Variants in PPARD observed in about 807,000 individuals in gnomAD.
The protein encoded by PPARD is peroxisome proliferator-activated receptor delta.
Under a neutral mutation model 39.5 loss-of-function variants are expected in PPARD, and 6 were observed. The observed-to-expected ratio is 0.15, with a 90% CI of 0.08 to 0.30. PPARD has a LOEUF of 0.30. Ranked by LOEUF, PPARD falls within the 10% of genes least tolerant of loss-of-function variation. PPARD has a pLI of 1.00. For synonymous variants in PPARD, 210 were observed against 231.3 expected, an observed-to-expected ratio of 0.91 and a Z score of 0.83; for missense variants, 397 against 596.8, an observed-to-expected ratio of 0.67 and a Z score of 3.49.
At chr6:35,356,883 C>G (rs1761646360) in intron 2 of PPARD, among the ~76,000 whole-genome samples, 1 of 152,246 alleles carries the variant, frequency 6.6e-6, no homozygotes, top group South Asian at 2.1e-4. Context: ...GAAGTTTACT[C>G]TCTTCAGTTA....
chr6:35,344,387 A>G (rs1054175732), intron 1 of PPARD, among the ~76,000 whole-genome samples: 9 of 151,900 alleles, frequency 5.9e-5, no homozygotes, highest in Non-Finnish European at 1.0e-4. Context: ...ACTTGAGCAG[A>G]CACATCTGCT....
At position 35,425,612 on chromosome 6, in the gene PPARD, G is replaced by C. The variant is rs75066816; in HGVS notation, c.1079-220G>C. On this transcript the variant is annotated intron_variant, in intron 7 of 7. Transcript: ENST00000360694. This position sits in a 1 kb window ranked among gnomAD's most constrained non-coding sequence, Gnocchi z 4.5. ...AACCACAATACTACGTTGCCTAATCGGGGGGGAGGTGGGGACAAATTGGCA... is the reference window on the plus strand; with the variant it reads ...AACCACAATACTACGTTGCCTAATCCGGGGGGAGGTGGGGACAAATTGGCA... 6.6e-6 allele frequency among the ~76,000 whole-genome samples: 1 copy of C among 152,030 alleles called. No homozygotes were observed.
chr6:35,425,106 C>T lies in PPARD; in HGVS notation c.1078+327C>T. The T allele has an allele frequency of 1.1e-6, 1 of 892,822 alleles. No homozygotes were observed. The highest frequency in any genetic ancestry group is 1.4e-6 in the Non-Finnish European group (1 of 710,446). The allele number at this position is 892,822 out of a possible 1,614,324, so 55.3% of individuals were successfully genotyped here. Reference sequence around the variant, plus strand: ...TGGCCAACATGGTGAAACCCCGTCTCTACTAAAAATACAAAAAATTAGCCA... The same window carrying T: ...TGGCCAACATGGTGAAACCCCGTCTTTACTAAAAATACAAAAAATTAGCCA... On this transcript the variant is annotated intron_variant, in intron 7 of 7. Transcript: ENST00000360694. The surrounding 1 kb of genome is among the most constrained non-coding windows in gnomAD (Gnocchi z 4.5).
intron 2 of PPARD, among the ~76,000 whole-genome samples, chr6:35,380,379 G>A (rs1299939769): frequency 6.6e-6 from 1 of 151,166 alleles, no homozygotes; most frequent in African/African-American, 2.4e-5. Flanking sequence ...CCCTTCTAAG[G>A]AGACTTCAGC....
intron 2 of PPARD, among the ~76,000 whole-genome samples, chr6:35,361,843 C>T (rs905796381): frequency 2.6e-5 from 4 of 152,202 alleles, no homozygotes; most frequent in Admixed American, 6.5e-5. Context: ...GTGTTGGGCA[C>T]GAGGTGATGG....
chr6:35,426,209 ACACATGACACCCACGG>A lies in PPARD; in HGVS notation c.*132_*147del, dbSNP rs1766566402. ...AGCAGAGTCCCACGATCGCCCTCAG[ACACATGACACCCACGG>A]CCTCTGGCTCCCTGTGCCCTCTCTC... On this transcript the variant is annotated 3_prime_UTR_variant, in exon 8 of 8. Transcript: ENST00000360694. 2.4e-6 allele frequency: 3 copies of A among 1,275,140 alleles called. No individual in the cohort carries two copies. In the Admixed American group the frequency reaches 7.5e-5, roughly 32 times the overall value. The allele number at this position is 1,275,140 out of a possible 1,614,324, so 79.0% of individuals were successfully genotyped here. A position where few individuals can be genotyped will look rare whatever the true frequency, so the allele number is the denominator to read the frequency against.
At chr6:35,347,393 A>T (rs1425633295) in intron 2 of PPARD, among the ~76,000 whole-genome samples, 1 of 152,150 alleles carries the variant, frequency 6.6e-6, no homozygotes, top group Non-Finnish European at 1.5e-5. Flanking sequence ...GCGCCCATTA[A>T]AAGATAAACT....
rs577960723 is a variant in PPARD at position 35,389,957 on chromosome 6, C to T, written c.-101-21030C>T. Among the ~76,000 whole-genome samples, 41 of 152,316 alleles carry T rather than the reference C, an allele frequency of 2.7e-4. No individual in the cohort carries two copies. In the South Asian group the frequency reaches 8.5e-3, roughly 32 times the overall value. On this transcript the variant is annotated intron_variant, in intron 2 of 7. Coordinates refer to ENST00000360694, the MANE Select transcript of PPARD (RefSeq NM_006238.5). ...AGTCATTGGAACCAGAGGGCAGAAC[C>T]CCGGGCCTCAAAATTAAGTCTATAC... is the stretch of plus-strand genomic sequence containing the variant.
chr6:35,345,163 G>A lies in PPARD; in HGVS notation c.-185-1904G>A, dbSNP rs9462073. Among the ~76,000 whole-genome samples, 414 of 152,322 alleles carry A rather than the reference G, an allele frequency of 2.7e-3. 2 individuals are homozygous for A. Among genetic ancestry groups the A allele is most frequent in the African/African-American group, 9.5e-3 (393 of 41,564 alleles). ...TTGTGGAGCAGCTTGGGCACCAGCA[G>A]CCCTAGATGGATAGCTTCTTGCAGT... On this transcript the variant is annotated intron_variant, in intron 1 of 7. Transcript: ENST00000360694.
rs551946022 is a variant in PPARD, at chr6:35,365,130, C to CTTT, written c.-102+17998_-102+18000dup. Reference sequence around the variant, plus strand: ...ACCAGACATGTAGAGCTTCCTTATTCTTTTTTTTTTTTTTTTTTTTGAGAT... The same window carrying CTTT: ...ACCAGACATGTAGAGCTTCCTTATTCTTTTTTTTTTTTTTTTTTTTTTTGAGAT... On this transcript the variant is annotated intron_variant, in intron 2 of 7. Transcript: ENST00000360694. Among the ~76,000 whole-genome samples, 83 of 121,066 alleles carry CTTT rather than the reference C, an allele frequency of 6.9e-4. 6 individuals are homozygous for CTTT. Among genetic ancestry groups the CTTT allele is most frequent in the East Asian group, 3.3e-3 (13 of 3,954 alleles). The allele number at this position is 121,066 out of a possible 152,430, so 79.4% of individuals were successfully genotyped here. A position where few individuals can be genotyped will look rare whatever the true frequency, so the allele number is the denominator to read the frequency against.
chr6:35,410,611 C>T (rs1765363414), intron 2 of PPARD, among the ~76,000 whole-genome samples: 1 of 152,188 alleles, frequency 6.6e-6, no homozygotes, highest in African/African-American at 2.4e-5. Context: ...AGGCGTGATG[C>T]ATATCTGGAT....
intron 2 of PPARD, among the ~76,000 whole-genome samples, chr6:35,353,603 T>G (rs1761389155): frequency 6.6e-6 from 1 of 152,172 alleles, no homozygotes. Flanking sequence ...TAACCATGTT[T>G]CAAATACGCT....
chr6:35,397,428 G>C (rs1406455201), intron 2 of PPARD: 1 of 606,546 alleles, frequency 1.6e-6, no homozygotes, highest in Non-Finnish European at 2.1e-6. Flanking sequence ...AGGCCCCTCA[G>C]GCTTCTAGAT....
At chr6:35,409,429 C>A (rs923019521) in intron 2 of PPARD, among the ~76,000 whole-genome samples, 2 of 151,770 alleles carry the variant, frequency 1.3e-5, no homozygotes, top group Admixed American at 6.6e-5. Context: ...CCCTTGAGCA[C>A]GGGAGATAAA....
At chr6:35,359,904 G>C (rs1761838771) in intron 2 of PPARD, among the ~76,000 whole-genome samples, 1 of 152,160 alleles carries the variant, frequency 6.6e-6, no homozygotes, top group Non-Finnish European at 1.5e-5. Flanking sequence ...GAACCCAAGT[G>C]ATTAAAGCCC....
At chr6:35,387,061 C>T (rs57648364) in intron 2 of PPARD, among the ~76,000 whole-genome samples, 2 of 151,826 alleles carry the variant, frequency 1.3e-5, no homozygotes, top group Non-Finnish European at 2.9e-5. Context: ...ACAACAGGGT[C>T]GGCAGTGTTG....
At chr6:35,411,362 C>A in intron 3 of PPARD, 145 bp downstream of exon 3, 2 of 1,067,826 alleles carry the variant, frequency 1.9e-6, no homozygotes, top group Non-Finnish European at 1.2e-6. Flanking sequence ...GGTTCACGCC[C>A]AGTGCGGTGG....
chr6:35,376,741 C>G (rs1490476246), intron 2 of PPARD, among the ~76,000 whole-genome samples: 1 of 152,098 alleles, frequency 6.6e-6, no homozygotes, highest in African/African-American at 2.4e-5. Flanking sequence ...TGACCTCCCG[C>G]CGGGCATGGT....
chr6:35,368,736 CAGG>C (rs2150528186), intron 2 of PPARD, among the ~76,000 whole-genome samples: 1 of 152,316 alleles, frequency 6.6e-6, no homozygotes, highest in South Asian at 2.1e-4. Flanking sequence ...TGAAAGTGTC[CAGG>C]AAGTTTCTAT....
Sources: gnomAD v4.1 joint callset for allele counts (sites outside exome capture counted in the v4.1 genomes callset) on GRCh38, gnomAD v4.1.1 for gene constraint, Gnocchi (gnomAD v3.1) non-coding constraint, MANE v1.5 for transcripts, NCBI Gene and HGNC (gene_info 2026-07-23, HGNC 2026-07-21) for gene names.